TMTC1: variants seen among roughly 807,000 people sequenced by gnomAD.
TMTC1 encodes the protein transmembrane O-mannosyltransferase targeting cadherins 1, also known as protein O-mannosyl-transferase TMTC1.
Under a neutral mutation model 104.8 loss-of-function variants are expected in TMTC1, and 73 were observed. The ratio of observed to expected loss-of-function variants is 0.70; its 90% CI spans 0.58 to 0.85. The LOEUF (loss-of-function observed/expected upper bound fraction) is 0.85, where lower values mean the gene tolerates loss of function less well. TMTC1 is among the 40% of genes least tolerant of loss of function. The probability of loss-of-function intolerance (pLI) is 0.00; values close to 1 mark genes in which losing one functional copy is unlikely to be tolerated. For synonymous variants in TMTC1, 434 were observed against 428.7 expected (o/e 1.01, Z -0.15); for missense variants, 1,035 against 1,096.1 (o/e 0.94, Z 0.79).
chr12:29,577,941 A>G (rs1438843619), intron 8 of TMTC1, among the ~76,000 whole-genome samples: 2 of 152,104 alleles, frequency 1.3e-5, no homozygotes, highest in Admixed American at 1.3e-4. Flanking sequence ...TCTATTAAGG[A>G]AAATTTCTGA....
chr12:29,543,319 CT>C (rs1944852931), intron 10 of TMTC1, among the ~76,000 whole-genome samples: 1 of 152,168 alleles, frequency 6.6e-6, no homozygotes, highest in Non-Finnish European at 1.5e-5. Context: ...TAATTAAGTA[CT>C]GGGTAAGTTT....
intron 7 of TMTC1, among the ~76,000 whole-genome samples, chr12:29,601,424 T>C (rs1051712839): frequency 2.6e-5 from 4 of 152,216 alleles, no homozygotes; most frequent in Admixed American, 6.5e-5. Context: ...AGATGACACT[T>C]TGCTGAGCTT....
At chr12:29,611,083 C>CCAAGAGG (rs1946832052) in intron 6 of TMTC1, among the ~76,000 whole-genome samples, 2 of 152,304 alleles carry the variant, frequency 1.3e-5, no homozygotes, top group Admixed American at 1.3e-4. Context: ...AGAGGCACTG[C>CCAAGAGG]CAGATGTACT....
At chr12:29,766,121 G>C (rs302315) in intron 2 of TMTC1, among the ~76,000 whole-genome samples, 37,103 of 152,062 alleles carry the variant, frequency 0.24, 5,708 homozygotes, top group Non-Finnish European at 0.35. Flanking sequence ...CCACTTAAAG[G>C]CACCTTGCTC....
chr12:29,631,561 C>T (rs943471090), intron 6 of TMTC1, among the ~76,000 whole-genome samples: 2 of 152,104 alleles, frequency 1.3e-5, no homozygotes, highest in Non-Finnish European at 2.9e-5. Flanking sequence ...TGGATTTAGC[C>T]CTGAATTCTC....
intron 4 of TMTC1, among the ~76,000 whole-genome samples, chr12:29,754,220 G>T (rs1357457986): frequency 1.3e-5 from 2 of 150,186 alleles, no homozygotes; most frequent in Admixed American, 6.6e-5. Flanking sequence ...TGCGGGACTT[G>T]TATCAGCAGT....
chr12:29,622,595 T>C (rs1937734237), intron 6 of TMTC1, among the ~76,000 whole-genome samples: 1 of 152,232 alleles, frequency 6.6e-6, no homozygotes, highest in Admixed American at 6.5e-5. Context: ...TATTCAGCCT[T>C]TGTGGCTTAA....
At chr12:29,571,091 C>T (rs967834394) in intron 9 of TMTC1, among the ~76,000 whole-genome samples, 7 of 152,080 alleles carry the variant, frequency 4.6e-5, no homozygotes, top group Admixed American at 6.5e-5. Flanking sequence ...GGTTGGTAGA[C>T]GTACTTTAAG....
At chr12:29,602,674 T>C (rs1354274303) in intron 7 of TMTC1, among the ~76,000 whole-genome samples, 2 of 151,958 alleles carry the variant, frequency 1.3e-5, no homozygotes, top group African/African-American at 4.8e-5. Flanking sequence ...AAAAATGCAA[T>C]AAAATTTTGA....
intron 6 of TMTC1, among the ~76,000 whole-genome samples, chr12:29,632,143 T>G (rs984190624): frequency 6.6e-6 from 1 of 152,132 alleles, no homozygotes; most frequent in African/African-American, 2.4e-5. Context: ...CAAACCAAAT[T>G]TTTCCAAAAT....
At chr12:29,599,393 A>G (rs1223557462) in intron 7 of TMTC1, among the ~76,000 whole-genome samples, 1 of 152,240 alleles carries the variant, frequency 6.6e-6, no homozygotes, top group Non-Finnish European at 1.5e-5. Context: ...CCCTGAAGCA[A>G]TGCAATGCTA....
chr12:29,577,068 C>A (rs1945844302), intron 8 of TMTC1, among the ~76,000 whole-genome samples: 1 of 152,160 alleles, frequency 6.6e-6, no homozygotes, highest in South Asian at 2.1e-4. Flanking sequence ...GGAGAACCAG[C>A]AATGCCCAAT....
intron 9 of TMTC1, chr12:29,568,826 G>A (rs767602760): frequency 4.6e-6 from 2 of 437,746 alleles, no homozygotes; most frequent in Admixed American, 2.4e-5. Context: ...GGGCTGACTT[G>A]TTGGGTGGTC....
chr12:29,618,157 G>T (rs1262548584), intron 6 of TMTC1, among the ~76,000 whole-genome samples: 3 of 152,110 alleles, frequency 2.0e-5, no homozygotes, highest in Admixed American at 2.0e-4. Flanking sequence ...GATGAGATAT[G>T]AAATTTGAGA....
At position 29,506,674 on chromosome 12, in the gene TMTC1, A is replaced by C. The variant is rs1488464348; in HGVS notation, c.*172T>G. On this transcript the variant is annotated 3_prime_UTR_variant, in exon 18 of 18. Transcript: ENST00000539277. The stretch of plus-strand genomic sequence containing the variant: ...GCTGTTTTCGTCTTCTTCATGGAAA[A>C]GCAAGTCCTTCAGCACTGGGCTACC... 1.4e-6 allele frequency: 1 copy of C among 720,318 alleles called. No homozygotes were observed. Among genetic ancestry groups the C allele is most frequent in the African/African-American group, 1.8e-5 (1 of 56,358 alleles). The allele number at this position is 720,318 out of a possible 1,614,324, so 44.6% of individuals were successfully genotyped here.
chr12:29,709,862 G>T (rs1240526484), intron 5 of TMTC1, among the ~76,000 whole-genome samples: 4 of 152,134 alleles, frequency 2.6e-5, no homozygotes, highest in African/African-American at 9.7e-5. Context: ...GTTTCTTGAG[G>T]TTGCTATAGG....
chr12:29,659,825 A>G, intron 5 of TMTC1: 2 of 1,334,912 alleles, frequency 1.5e-6, no homozygotes, highest in South Asian at 1.4e-5. Context: ...GTAATTTAAG[A>G]TTACTCAAAA....
At chr12:29,680,420 G>A (rs560751907) in intron 5 of TMTC1, among the ~76,000 whole-genome samples, 4 of 152,102 alleles carry the variant, frequency 2.6e-5, no homozygotes, top group African/African-American at 9.7e-5. Context: ...AATAAGATGA[G>A]GCTGGGTGTG....
At chr12:29,537,173 T>C (rs1407055505) in intron 10 of TMTC1, among the ~76,000 whole-genome samples, 1 of 152,202 alleles carries the variant, frequency 6.6e-6, no homozygotes, top group East Asian at 1.9e-4. Context: ...GACATTGTAA[T>C]TGTGCAATGA....
Sources: allele counts gnomAD v4.1 joint callset (sites outside exome capture counted in the v4.1 genomes callset), GRCh38; gene constraint gnomAD v4.1.1; transcripts MANE v1.5; gene names NCBI Gene and HGNC (gene_info 2026-07-23, HGNC 2026-07-21).